The following NAALADL2 variants were observed in gnomAD, a reference collection of about 807,000 sequenced individuals.
NAALADL2 encodes the protein N-acetylated alpha-linked acidic dipeptidase like 2, also known as inactive N-acetylated-alpha-linked acidic dipeptidase-like protein 2.
Under a neutral mutation model 87.2 loss-of-function variants are expected in NAALADL2, and 76 were observed. That is an observed-to-expected ratio of 0.87 (90% CI 0.72 to 1.05). NAALADL2 has a LOEUF of 1.05. Among genes scored for constraint, NAALADL2 ranks in the 50% least tolerant of loss-of-function variants. The probability of loss-of-function intolerance (pLI) is 0.00; values close to 1 mark genes in which losing one functional copy is unlikely to be tolerated. For missense variants in NAALADL2, 1,089 were observed against 945.8 expected, an observed-to-expected ratio of 1.15 and a Z score of -1.99; for synonymous variants, 354 against 331.0, an observed-to-expected ratio of 1.07 and a Z score of -0.75.
At chr3:174,868,899 G>A (rs533161782) in intron 1 of NAALADL2, among the ~76,000 whole-genome samples, 5 of 152,232 alleles carry the variant, frequency 3.3e-5, no homozygotes, top group African/African-American at 7.2e-5. Context: ...CATAAATGGT[G>A]TATGACATTG....
chr3:175,344,164 T>C (rs1762889553), intron 5 of NAALADL2, among the ~76,000 whole-genome samples: 1 of 152,128 alleles, frequency 6.6e-6, no homozygotes, highest in African/African-American at 2.4e-5. Flanking sequence ...TGTTTATGTG[T>C]TGGCATCCAG....
chr3:174,696,573 G>A (rs1203682107), intron 2 of NAALADL2, among the ~76,000 whole-genome samples: 3 of 140,654 alleles, frequency 2.1e-5, no homozygotes, highest in African/African-American at 8.2e-5. Context: ...AAAATTAGGG[G>A]TCAGGCAGGT....
chr3:175,474,152 A>G (rs1457380617), intron 9 of NAALADL2, among the ~76,000 whole-genome samples: 1 of 152,062 alleles, frequency 6.6e-6, no homozygotes, highest in Non-Finnish European at 1.5e-5. Context: ...TTTTCTGATG[A>G]TTTGTGAAAA....
intron 2 of NAALADL2, among the ~76,000 whole-genome samples, chr3:174,679,336 T>G (rs1727321055): frequency 1.3e-5 from 2 of 152,196 alleles, no homozygotes; most frequent in South Asian, 4.1e-4. Flanking sequence ...TTAGAGAGTT[T>G]AAAATTTAAT....
intron 1 of NAALADL2, among the ~76,000 whole-genome samples, chr3:174,534,252 T>A (rs1296011361): frequency 6.6e-6 from 1 of 152,176 alleles, no homozygotes; most frequent in African/African-American, 2.4e-5. Context: ...AGTAACACAT[T>A]TTTACCAGAT....
At chr3:175,105,878 GA>G (rs1411901127) in intron 2 of NAALADL2, among the ~76,000 whole-genome samples, 1 of 151,826 alleles carries the variant, frequency 6.6e-6, no homozygotes, top group Non-Finnish European at 1.5e-5. Context: ...TTTCTATAAA[GA>G]AAAAATGAAA....
intron 1 of NAALADL2, among the ~76,000 whole-genome samples, chr3:175,066,530 G>GTT (rs1714569747): frequency 6.6e-6 from 1 of 152,236 alleles, no homozygotes; most frequent in East Asian, 1.9e-4. Context: ...AAAAGTGCTT[G>GTT]TAACTGGAAA....
intron 5 of NAALADL2, among the ~76,000 whole-genome samples, chr3:175,362,597 G>A (rs1334489611): frequency 6.8e-6 from 1 of 147,966 alleles, no homozygotes; most frequent in Non-Finnish European, 1.5e-5. Context: ...GGGCATTTGG[G>A]CTGGTTCCAT....
At chr3:175,327,391 G>A (rs1410884012) in intron 5 of NAALADL2, among the ~76,000 whole-genome samples, 1 of 151,970 alleles carries the variant, frequency 6.6e-6, no homozygotes, top group Non-Finnish European at 1.5e-5. Context: ...TCTTGACCTC[G>A]TGATCCGCCC....
intron 9 of NAALADL2, among the ~76,000 whole-genome samples, chr3:175,498,415 A>G (rs1174960574): frequency 1.3e-5 from 2 of 152,076 alleles, no homozygotes; most frequent in Non-Finnish European, 2.9e-5. Flanking sequence ...AGTCTTTATT[A>G]ATTTAGGGAA....
intron 2 of NAALADL2, among the ~76,000 whole-genome samples, chr3:175,203,542 AGTC>A (rs1740383197): frequency 1.3e-5 from 2 of 152,142 alleles, no homozygotes; most frequent in Non-Finnish European, 2.9e-5. Flanking sequence ...GAGTTCTATG[AGTC>A]TTCTTGGGAT....
In NAALADL2 at chr3:174,854,131, A is replaced by T. The variant is rs916179539; in HGVS notation, c.-9+116385A>T. ...ATAGTCAAGATATGGAATCAATCTAAGTGTCCATCAACAGATGAATGAATA... is the reference window on the plus strand; with the variant it reads ...ATAGTCAAGATATGGAATCAATCTATGTGTCCATCAACAGATGAATGAATA... On this transcript the variant is annotated intron_variant, in intron 3 of 3. Coordinates refer to the NAALADL2 transcript ENST00000434257. Among the ~76,000 whole-genome samples the T allele has an allele frequency of 2.0e-5, 3 of 152,206 alleles. No individual in the cohort carries two copies. In the East Asian group the frequency reaches 5.8e-4, roughly 29 times the overall value.
At chr3:174,713,393 C>A (rs373780871) in intron 2 of NAALADL2, among the ~76,000 whole-genome samples, 1 of 152,056 alleles carries the variant, frequency 6.6e-6, no homozygotes, top group Non-Finnish European at 1.5e-5. Flanking sequence ...ACTTCCACAA[C>A]GGTTGAACTA....
At chr3:174,796,034 A>C (rs1288094564) in intron 3 of NAALADL2, among the ~76,000 whole-genome samples, 1 of 152,166 alleles carries the variant, frequency 6.6e-6, no homozygotes, top group African/African-American at 2.4e-5. Flanking sequence ...AGGGCCTTTA[A>C]ATAGGTAATT....
intron 2 of NAALADL2, among the ~76,000 whole-genome samples, chr3:175,229,321 T>C (rs991484281): frequency 6.6e-6 from 1 of 151,992 alleles, no homozygotes; most frequent in African/African-American, 2.4e-5. Flanking sequence ...AAAATTGTTA[T>C]GATTAAAAAG....
intron 4 of NAALADL2, among the ~76,000 whole-genome samples, chr3:175,257,891 T>G (rs770211080): frequency 6.6e-6 from 1 of 152,142 alleles, no homozygotes; most frequent in Non-Finnish European, 1.5e-5. Context: ...CTTTAAAAAA[T>G]GTATTATATT....
intron 9 of NAALADL2, among the ~76,000 whole-genome samples, chr3:175,516,549 C>A (rs1731863258): frequency 6.6e-6 from 1 of 152,084 alleles, no homozygotes; most frequent in Non-Finnish European, 1.5e-5. Context: ...AGCCATGAAC[C>A]TGAAATTTTC....
intron 3 of NAALADL2, among the ~76,000 whole-genome samples, chr3:174,772,516 A>G (rs912850264): frequency 5.9e-5 from 9 of 152,176 alleles, no homozygotes; most frequent in African/African-American, 2.2e-4. Flanking sequence ...TCCAAGTAGC[A>G]GAGACTATTG....
chr3:175,566,189 AT>A (rs1717122790), intron 9 of NAALADL2, among the ~76,000 whole-genome samples: 1 of 152,118 alleles, frequency 6.6e-6, no homozygotes, highest in Non-Finnish European at 1.5e-5. Flanking sequence ...GAGTCTTAGA[AT>A]TGGGGACACG....
Sources: gnomAD v4.1 joint callset for allele counts (sites outside exome capture counted in the v4.1 genomes callset) on GRCh38, gnomAD v4.1.1 for gene constraint, MANE v1.5 for transcripts, NCBI Gene and HGNC (gene_info 2026-07-23, HGNC 2026-07-21) for gene names.